The following NRCAM variants were observed in gnomAD, a reference collection of about 807,000 sequenced individuals.
NRCAM encodes NgCAM-related cell adhesion molecule.
NRCAM carries 83 observed loss-of-function variants against 156.5 expected under a neutral mutation model. That is an observed-to-expected ratio of 0.53 (90% CI 0.44 to 0.64). The LOEUF (loss-of-function observed/expected upper bound fraction) is 0.64. NRCAM is among the 30% of genes least tolerant of loss of function. The pLI, the probability that NRCAM is intolerant of heterozygous loss-of-function variation, is 0.00. For missense variants in NRCAM, 1,417 were observed against 1,597.3 expected (o/e 0.89, Z 1.92); for synonymous variants, 538 against 563.9 (o/e 0.95, Z 0.65).
intron 3 of NRCAM, among the ~76,000 whole-genome samples, chr7:108,288,529 A>G (rs1279471075): frequency 6.6e-6 from 1 of 152,150 alleles, no homozygotes; most frequent in African/African-American, 2.4e-5. Context: ...TTTAGATTTA[A>G]TAAGAAACTT....
At chr7:108,369,944 T>C (rs1234041680) in intron 2 of NRCAM, among the ~76,000 whole-genome samples, 3 of 152,152 alleles carry the variant, frequency 2.0e-5, no homozygotes, top group African/African-American at 7.2e-5. Context: ...TTGAGAATTT[T>C]AGGTTCATGA....
chr7:108,262,248 G>A (rs770383670), intron 3 of NRCAM, among the ~76,000 whole-genome samples: 3 of 152,210 alleles, frequency 2.0e-5, no homozygotes, highest in Non-Finnish European at 4.4e-5. Context: ...CTCCCAGGGT[G>A]CATCACCCAT....
intron 1 of NRCAM, among the ~76,000 whole-genome samples, chr7:108,443,707 T>A (rs957604309): frequency 2.6e-5 from 4 of 152,286 alleles, no homozygotes; most frequent in Middle Eastern, 3.4e-3. Context: ...CAGCTGATTA[T>A]AATCGAAAAA....
intron 20 of NRCAM, among the ~76,000 whole-genome samples, chr7:108,185,187 T>G (rs1484637850): frequency 1.3e-5 from 2 of 152,258 alleles, no homozygotes; most frequent in African/African-American, 4.8e-5. Context: ...GAAGTGTAAG[T>G]TGGGACAACT....
chr7:108,154,289 G>A (rs2043512941), intron 32 of NRCAM, among the ~76,000 whole-genome samples: 1 of 152,070 alleles, frequency 6.6e-6, no homozygotes, highest in South Asian at 2.1e-4. Flanking sequence ...TTATTCCTAT[G>A]TCATATTTTT....
chr7:108,362,602 A>G (rs1314992022), intron 2 of NRCAM, among the ~76,000 whole-genome samples: 2 of 152,200 alleles, frequency 1.3e-5, no homozygotes, highest in African/African-American at 2.4e-5. Context: ...CTGAAATTGG[A>G]CAGTTAAGTA....
At chr7:108,386,761 G>A (rs2099742076) in intron 2 of NRCAM, among the ~76,000 whole-genome samples, 1 of 152,110 alleles carries the variant, frequency 6.6e-6, no homozygotes, top group Admixed American at 6.6e-5. Context: ...AAGTTATAGA[G>A]AAAATGAATG....
At chr7:108,454,187 G>A (rs1853821403) in intron 1 of NRCAM, among the ~76,000 whole-genome samples, 1 of 152,136 alleles carries the variant, frequency 6.6e-6, no homozygotes, top group Non-Finnish European at 1.5e-5. Context: ...GGAATAAAAG[G>A]CTATTCCACA....
intron 26 of NRCAM, among the ~76,000 whole-genome samples, chr7:108,177,351 C>T (rs537817139): frequency 6.6e-6 from 1 of 152,106 alleles, no homozygotes; most frequent in Non-Finnish European, 1.5e-5. Flanking sequence ...AGGCTGGGCG[C>T]AGTGGCTCAC....
chr7:108,347,851 T>C (rs751222422), intron 2 of NRCAM, among the ~76,000 whole-genome samples: 2 of 152,186 alleles, frequency 1.3e-5, no homozygotes, highest in Non-Finnish European at 2.9e-5. Context: ...TCAGACTCTG[T>C]TCCCCAGCCA....
At chr7:108,433,868 G>A (rs150998364) in intron 1 of NRCAM, among the ~76,000 whole-genome samples, 52 of 152,268 alleles carry the variant, frequency 3.4e-4, no homozygotes, top group Non-Finnish European at 6.5e-4. Context: ...AACACAAAAT[G>A]GACTAGAACA....
intron 13 of NRCAM, among the ~76,000 whole-genome samples, chr7:108,206,332 C>G (rs528747184): frequency 6.6e-6 from 1 of 152,178 alleles, no homozygotes; most frequent in Non-Finnish European, 1.5e-5. Context: ...ATTCGGCAGA[C>G]CTTTTGGTTA....
chr7:108,383,838 T>C (rs550138539), intron 2 of NRCAM, among the ~76,000 whole-genome samples: 1 of 152,186 alleles, frequency 6.6e-6, no homozygotes, highest in African/African-American at 2.4e-5. Context: ...TTTTTTCTTC[T>C]GACTCTCAAA....
chr7:108,184,084 C>T (rs925696754), intron 22 of NRCAM, among the ~76,000 whole-genome samples, 157 bp downstream of exon 22: 1 of 149,034 alleles, frequency 6.7e-6, no homozygotes, highest in Non-Finnish European at 1.5e-5. Context: ...TATAATACTG[C>T]CTCTTAAGTA....
At chr7:108,195,928 T>C in intron 14 of NRCAM, 56 bp from the exon 15 acceptor site, 1 of 1,113,786 alleles carries the variant, frequency 9.0e-7, no homozygotes, top group Non-Finnish European at 1.3e-6. Flanking sequence ...AGGACTATCG[T>C]TTATTTATTG....
intron 17 of NRCAM, among the ~76,000 whole-genome samples, chr7:108,192,893 G>C (rs2072899191): frequency 6.6e-6 from 1 of 152,144 alleles, no homozygotes; most frequent in Non-Finnish European, 1.5e-5. Flanking sequence ...AAATTGCTCA[G>C]TAGATCAAAA....
rs191541445 is a variant in NRCAM at position 108,362,913 on chromosome 7, T to C, written c.-174+36523A>G. Among the ~76,000 whole-genome samples the C allele has an allele frequency of 2.1e-4, 32 of 152,174 alleles. 1 individual carries two copies. Among genetic ancestry groups the C allele is most frequent in the Admixed American group, 1.6e-3 (25 of 15,296 alleles). On this transcript the variant is annotated intron_variant, in intron 2 of 32. Coordinates refer to ENST00000379028, the MANE Select transcript of NRCAM (RefSeq NM_001037132.4). The stretch of plus-strand genomic sequence containing the variant: ...TTTCTAACACCATTTACCAATAAAA[T>C]AAACCAGGGTTCCTTGGAAAAATGA...
chr7:108,398,792 T>C (rs1192426149), intron 2 of NRCAM, among the ~76,000 whole-genome samples: 1 of 152,222 alleles, frequency 6.6e-6, no homozygotes, highest in Non-Finnish European at 1.5e-5. Context: ...GTTGGTCATA[T>C]CTATTTATGT....
chr7:108,154,546 GAGAATCAAC>G (rs11278238), intron 32 of NRCAM, among the ~76,000 whole-genome samples: 25,613 of 152,012 alleles, frequency 0.17, 3,009 homozygotes, highest in African/African-American at 0.34. Context: ...TGGTGGAGGA[GAGAATCAAC>G]AGCAACACGG....
Sources: gnomAD v4.1 joint callset for allele counts (sites outside exome capture counted in the v4.1 genomes callset) on GRCh38, gnomAD v4.1.1 for gene constraint, MANE v1.5 for transcripts, NCBI Gene and HGNC (gene_info 2026-07-23, HGNC 2026-07-21) for gene names.